The following SYCP2 variants were observed in gnomAD, a reference collection of about 807,000 sequenced individuals.
SYCP2 encodes synaptonemal complex protein 2.
A neutral mutation model predicts 211.3 loss-of-function variants in SYCP2; 55 were observed. The ratio of observed to expected loss-of-function variants is 0.26; its 90% CI spans 0.21 to 0.33. The LOEUF is 0.33. Ranked by LOEUF, SYCP2 falls within the 10% of genes least tolerant of loss-of-function variation. The pLI is 1.00. For synonymous variants in SYCP2, 570 were observed against 555.2 expected, an observed-to-expected ratio of 1.03 and a Z score of -0.37; for missense variants, 1,731 against 1,752.0, an observed-to-expected ratio of 0.99 and a Z score of 0.21.
At position 59,914,046 on chromosome 20, in the gene SYCP2, A is replaced by G; in HGVS notation, c.778-19T>C. 3.2e-6 allele frequency: 5 copies of G among 1,580,704 alleles called. No individual in the cohort carries two copies. Among genetic ancestry groups the G allele is most frequent in the Non-Finnish European group, 4.3e-6 (5 of 1,161,876 alleles). ...TGCAATCCTAATTTTAAAGAGAAAT[A>G]CTTTTAAAAATCATAATAATTTTTA... On this transcript the variant is annotated intron_variant, in intron 11 of 44. Transcript: ENST00000357552.
At chr20:59,881,358 T>TA (rs1029001881) in intron 29 of SYCP2, 79 bp downstream of exon 29, 8 of 777,320 alleles carry the variant, frequency 1.0e-5, no homozygotes, top group African/African-American at 3.6e-5. Flanking sequence ...TCTCATTTGT[T>TA]AAAAAACTCT....
chr20:59,886,710 T>C lies in SYCP2; in HGVS notation c.2489A>G (p.Asn830Ser). ...STRKLKESLINSGFSNKPVVQ... is the reference protein window; with the variant it reads ...STRKLKESLISSGFSNKPVVQ... ...TGTCTGAAATTTAAGAACATACCTGTTAATCAAAGACTCCTTTAATTTTCT... is the reference window on the plus strand; with the variant it reads ...TGTCTGAAATTTAAGAACATACCTGCTAATCAAAGACTCCTTTAATTTTCT... Residue 830 changes from asparagine (N) to serine (S), a missense_variant, in exon 25 of 45, where the codon AAC becomes AGC. Coordinates refer to ENST00000357552, the MANE Select transcript of SYCP2 (RefSeq NM_014258.4). 1 of 1,551,078 alleles carries C rather than the reference T, an allele frequency of 6.4e-7. No homozygotes were observed. Among genetic ancestry groups the C allele is most frequent in the Non-Finnish European group, 8.7e-7 (1 of 1,152,574 alleles).
intron 26 of SYCP2, among the ~76,000 whole-genome samples, chr20:59,885,477 A>G (rs73917263): frequency 0.015 from 2,293 of 152,284 alleles, 64 homozygotes; most frequent in African/African-American, 0.052. Context: ...GTGAACTTCA[A>G]AACTTGAAAT....
At chr20:59,908,766 A>G (rs775403404) in intron 14 of SYCP2, among the ~76,000 whole-genome samples, 1 of 150,956 alleles carries the variant, frequency 6.6e-6, no homozygotes, top group Non-Finnish European at 1.5e-5. Context: ...TTCACCTCCC[A>G]CTCTCCATTA....
At chr20:59,867,043 A>G (rs2059354526) in intron 39 of SYCP2, among the ~76,000 whole-genome samples, 7 of 130,200 alleles carry the variant, frequency 5.4e-5, no homozygotes, top group South Asian at 2.4e-4. Flanking sequence ...AAAGAAACAG[A>G]AAAAACAAGC....
Position 59,864,381 on chromosome 20 carries a change from T to C in SYCP2, c.4523A>G (p.Glu1508Gly), listed in dbSNP as rs1327537268. The change falls in exon 45 of 45, where the codon GAG (glutamate) becomes GGG (glycine). Residue 1508 changes from glutamate (E) to glycine (G), a missense_variant. This residue lies in a region of SYCP2 where 1,387 missense variants were observed against 1,351.3 expected (regional missense o/e 1.03). Transcript: ENST00000357552. The stretch of plus-strand genomic sequence containing the variant: ...TTCTCTGCGTACATTAAGAAGCTCC[T>C]CTTCTAGCTATAGCCAAGAAAAAAA... ...QDRLLKDMLE[E>G]ELLNVRRELM... The C allele has an allele frequency of 1.3e-6, 2 of 1,598,854 alleles. No individual in the cohort carries two copies. Among genetic ancestry groups the C allele is most frequent in the African/African-American group, 2.7e-5 (2 of 73,704 alleles).
Position 59,921,302 on chromosome 20 carries a change from A to G in SYCP2, c.168+8T>C, listed in dbSNP as rs372590147. 5.1e-6 allele frequency: 8 copies of G among 1,582,858 alleles called. No homozygotes were observed. The highest frequency in any genetic ancestry group is 2.7e-5 in the African/African-American group (2 of 73,132). The stretch of plus-strand genomic sequence containing the variant: ...TGTAACAATCATTCAGCAAAAATGA[A>G]TATTTACCCTGCATATAAGGTTGTC... On this transcript the variant is annotated splice_region_variant and intron_variant, in intron 4 of 44. Transcript: ENST00000357552.
intron 39 of SYCP2, 40 bp downstream of exon 39, chr20:59,867,666 TTATTA>T (rs2059377795): frequency 1.3e-6 from 2 of 1,517,042 alleles, no homozygotes; most frequent in East Asian, 2.3e-5. Flanking sequence ...GTGTGGCATA[TTATTA>T]TATTATTGGG....
rs190534036 is a variant in SYCP2 at position 59,919,591 on chromosome 20, C to G, written c.304G>C (p.Ala102Pro). Reference sequence around the variant, plus strand: ...ATGTCCTTGGATTTTTCAAACCAGGCAACCATGTAAAAAAAGGAATGAACT... The same window carrying G: ...ATGTCCTTGGATTTTTCAAACCAGGGAACCATGTAAAAAAAGGAATGAACT... ...IKQGLIQKMV[A>P]WFEKSKDIIQ... Residue 102 changes from alanine (A) to proline (P), a missense_variant, in exon 6 of 45, where the codon GCC becomes CCC. By Grantham distance (27) the Ala-to-Pro change is conservative. Coordinates refer to ENST00000357552, the MANE Select transcript of SYCP2 (RefSeq NM_014258.4). 18 of 1,597,132 alleles carry G rather than the reference C, an allele frequency of 1.1e-5. No individual in the cohort carries two copies. The East Asian group carries it at 4.1e-4, about 36-fold the overall frequency.
In SYCP2 at chr20:59,919,553, T is replaced by G. The variant is rs758339674; in HGVS notation, c.342A>C (p.Gln114His). The G allele has an allele frequency of 6.2e-6, 10 of 1,610,714 alleles. No homozygotes were observed. The highest frequency in any genetic ancestry group is 8.5e-6 in the Non-Finnish European group (10 of 1,178,010). The change falls in exon 6 of 45, where the codon CAA (glutamine) becomes CAC (histidine). Residue 114 changes from glutamine to histidine, a missense_variant. Physicochemically the swap from Gln to His is conservative, Grantham distance 24. Around this residue, in one of 3 missense-constraint regions of SYCP2, gnomAD observed 335 missense variants for 378.8 expected, o/e 0.88. Transcript: ENST00000357552. The part of the protein sequence containing the change: ...FEKSKDIIQS[Q>H]GNSKDEAVLN... Reference sequence around the variant, plus strand: ...GAACAGCTTCATCTTTTGAATTTCCTTGACTCTGAATAATGTCCTTGGATT... The same window carrying G: ...GAACAGCTTCATCTTTTGAATTTCCGTGACTCTGAATAATGTCCTTGGATT...
intron 2 of SYCP2, among the ~76,000 whole-genome samples, chr20:59,929,879 G>A (rs1348941145): frequency 6.6e-6 from 1 of 151,932 alleles, no homozygotes; most frequent in Non-Finnish European, 1.5e-5. Context: ...TTAGAGGAGT[G>A]TAGTAAAGCA....
At chr20:59,907,608 T>C (rs1322668924) in intron 14 of SYCP2, among the ~76,000 whole-genome samples, 184 bp from the exon 15 acceptor site, 1 of 152,238 alleles carries the variant, frequency 6.6e-6, no homozygotes, top group Admixed American at 6.5e-5. Context: ...ATTTAATGTA[T>C]TTGTTCATTA....
intron 15 of SYCP2, among the ~76,000 whole-genome samples, chr20:59,905,465 G>C (rs928086762): frequency 1.3e-5 from 2 of 152,044 alleles, no homozygotes; most frequent in African/African-American, 4.8e-5. Flanking sequence ...CAACATGCTT[G>C]AATCTTTTTT....
chr20:59,911,549 T>C (rs1016838010), intron 14 of SYCP2, among the ~76,000 whole-genome samples: 5 of 152,126 alleles, frequency 3.3e-5, no homozygotes, highest in African/African-American at 4.8e-5. Flanking sequence ...GCATTATTTT[T>C]TCTTATACAA....
chr20:59,929,609 CA>C (rs1176496691), intron 2 of SYCP2, among the ~76,000 whole-genome samples: 2 of 151,714 alleles, frequency 1.3e-5, no homozygotes, highest in Non-Finnish European at 2.9e-5. Context: ...ATCTCAAACA[CA>C]ATATAAAGCA....
At position 59,892,349 on chromosome 20, in the gene SYCP2, T is replaced by G. The variant is rs199782376; in HGVS notation, c.2005A>C (p.Lys669Gln). The change falls in exon 24 of 45, where the codon AAA (lysine) becomes CAA (glutamine). Residue 669 changes from lysine (K) to glutamine (Q), a missense_variant. Transcript: ENST00000357552. ...ISDHNSEGTG[K>Q]VKYKKEQTDH... Reference sequence around the variant, plus strand: ...GTTTGTTCTTTCTTATATTTCACTTTTCCTGTTCCTTCAGAATTATGATCA... The same window carrying G: ...GTTTGTTCTTTCTTATATTTCACTTGTCCTGTTCCTTCAGAATTATGATCA... The G allele has an allele frequency of 3.7e-6, 6 of 1,600,590 alleles. No individual in the cohort carries two copies. The East Asian group carries it at 1.1e-4, about 30-fold the overall frequency.
At chr20:59,893,416 G>T in intron 21 of SYCP2, 108 bp downstream of exon 21, 1 of 827,974 alleles carries the variant, frequency 1.2e-6, no homozygotes, top group Non-Finnish European at 1.9e-6. Flanking sequence ...CAAATTCTTT[G>T]TAAATCTTTT....
chr20:59,922,448 CAAAA>C lies in SYCP2; in HGVS notation c.-39_-36del. On this transcript the variant is annotated 5_prime_UTR_variant, in exon 3 of 45. Coordinates refer to ENST00000357552, the MANE Select transcript of SYCP2 (RefSeq NM_014258.4). ...ATTTAAAAAAAAAAAAAAAGCAAGACAAAATAAACACCTATAAAAGAAAACATAT... is the reference window on the plus strand; with the variant it reads ...ATTTAAAAAAAAAAAAAAAGCAAGACTAAACACCTATAAAAGAAAACATAT... 7.5e-7 allele frequency: 1 copy of C among 1,337,876 alleles called. No homozygotes were observed. Among genetic ancestry groups the C allele is most frequent in the Admixed American group, 2.2e-5 (1 of 44,802 alleles). 82.9% of individuals were successfully genotyped at this position (1,337,876 alleles called of 1,614,324 possible).
chr20:59,866,010 G>C (rs1315722680), intron 41 of SYCP2, 145 bp from the exon 42 acceptor site: 9 of 466,138 alleles, frequency 1.9e-5, no homozygotes, highest in African/African-American at 1.2e-4. Flanking sequence ...AAACAGTATG[G>C]CTATATGTTA....
Sources: allele counts gnomAD v4.1 joint callset (sites outside exome capture counted in the v4.1 genomes callset), GRCh38; gene constraint gnomAD v4.1.1; regional missense constraint gnomAD v4.1.1; transcripts MANE v1.5; gene names NCBI Gene and HGNC (gene_info 2026-07-23, HGNC 2026-07-21).